Variants in CCNH observed in about 807,000 individuals in gnomAD.
The protein encoded by CCNH is cyclin H, also known as cyclin-H.
CCNH carries 31 observed loss-of-function variants against 41.9 expected under a neutral mutation model. That is an observed-to-expected ratio of 0.74 (90% confidence interval 0.56 to 1.00). The LOEUF is 1.00. Ranked by LOEUF, CCNH falls within the 50% of genes least tolerant of loss-of-function variation. The pLI is 0.00. For synonymous variants in CCNH, 138 were observed against 136.1 expected (o/e 1.01, Z -0.10); for missense variants, 362 against 388.4 (o/e 0.93, Z 0.57).
At chr5:87,409,754 T>C (rs186472858) in intron 2 of CCNH, among the ~76,000 whole-genome samples, 1 of 151,946 alleles carries the variant, frequency 6.6e-6, no homozygotes, top group East Asian at 1.9e-4. Flanking sequence ...CTTATAAAAA[T>C]ACTGACAAAA....
upstream of CCNH, among the ~76,000 whole-genome samples, chr5:87,378,736 A>C (rs1761497849): frequency 6.6e-6 from 1 of 152,194 alleles, no homozygotes; most frequent in African/African-American, 2.4e-5. Context: ...TTATTTTGGG[A>C]TTAAAAACCA....
intron 9 of CCNH, among the ~76,000 whole-genome samples, chr5:87,352,959 G>T (rs1466588300): frequency 6.6e-6 from 1 of 151,832 alleles, no homozygotes; most frequent in Non-Finnish European, 1.5e-5. Flanking sequence ...ATTCTGGCCT[G>T]TAAATCTATA....
chr5:87,336,784 A>G (rs1758005110), intron 9 of CCNH, among the ~76,000 whole-genome samples: 1 of 152,062 alleles, frequency 6.6e-6, no homozygotes, highest in African/African-American at 2.4e-5. Context: ...CTAGAAAGGA[A>G]TAGTTTAATT....
chr5:87,331,934 C>T (rs1757630045), intron 9 of CCNH, among the ~76,000 whole-genome samples: 1 of 151,962 alleles, frequency 6.6e-6, no homozygotes, highest in Non-Finnish European at 1.5e-5. Flanking sequence ...TATAAATTTT[C>T]AAGTACAAAT....
At chr5:87,400,185 C>T (rs967202393) in intron 6 of CCNH, among the ~76,000 whole-genome samples, 1 of 152,116 alleles carries the variant, frequency 6.6e-6, no homozygotes, top group Admixed American at 6.6e-5. Flanking sequence ...TACTATTAGC[C>T]AGCCATGTGA....
intron 9 of CCNH, chr5:87,353,105 G>T (rs1759396385): frequency 7.0e-7 from 1 of 1,422,832 alleles, no homozygotes; most frequent in Non-Finnish European, 9.9e-7. Flanking sequence ...TATTTTTAAA[G>T]ATTTTGCAGT....
chr5:87,321,522 G>T (rs1462748031), intron 9 of CCNH, among the ~76,000 whole-genome samples: 3 of 152,182 alleles, frequency 2.0e-5, no homozygotes, highest in African/African-American at 7.2e-5. Flanking sequence ...CTTTGGGTTG[G>T]ATTAATTTGC....
chr5:87,378,579 A>G (rs767371695), upstream of CCNH: 20 of 1,537,350 alleles, frequency 1.3e-5, no homozygotes, highest in African/African-American at 4.1e-5. Flanking sequence ...TGCAAAGAAC[A>G]TATTTTAATA....
At chr5:87,400,179 A>G (rs1447625124) in intron 6 of CCNH, among the ~76,000 whole-genome samples, 2 of 152,214 alleles carry the variant, frequency 1.3e-5, no homozygotes, top group Non-Finnish European at 1.5e-5. Flanking sequence ...TATTATTACT[A>G]TTAGCCAGCC....
chr5:87,373,028 G>A (rs925691131), downstream of CCNH, among the ~76,000 whole-genome samples: 1 of 152,064 alleles, frequency 6.6e-6, no homozygotes, highest in Non-Finnish European at 1.5e-5. Flanking sequence ...CATTTTGTAA[G>A]CTATCAAAAA....
Position 87,353,243 on chromosome 5 carries a change from T to C in CCNH, c.*91-34346A>G, listed in dbSNP as rs376637789. ...GAACCTGTACCAATGCAGGTCAGTGTTGCATTTCTTATTGCAATAATTAGC... is the reference window on the plus strand; with the variant it reads ...GAACCTGTACCAATGCAGGTCAGTGCTGCATTTCTTATTGCAATAATTAGC... On this transcript the variant is annotated intron_variant and NMD_transcript_variant, in intron 9 of 9. Coordinates refer to the CCNH transcript ENST00000645953. The C allele has an allele frequency of 9.6e-5, 153 of 1,589,160 alleles. 1 individual carries two copies. The highest frequency in any genetic ancestry group is 3.7e-5 in the Non-Finnish European group (43 of 1,158,190).
At chr5:87,389,665 C>A, downstream of CCNH, 1 of 1,170,118 alleles carries the variant, frequency 8.5e-7, no homozygotes, top group East Asian at 2.5e-5. Flanking sequence ...TACAAAAGAT[C>A]TCAGCAGACA....
chr5:87,385,061 T>A (rs902703617), intron 9 of CCNH, among the ~76,000 whole-genome samples: 1 of 152,114 alleles, frequency 6.6e-6, no homozygotes, highest in East Asian at 1.9e-4. Context: ...GTAGTACCCT[T>A]TTCGCAAGCC....
chr5:87,338,536 A>T (rs374381721), intron 9 of CCNH, among the ~76,000 whole-genome samples: 3,280 of 84,936 alleles, frequency 0.039, 243 homozygotes, highest in Middle Eastern at 0.06. Context: ...TATATATAAA[A>T]TTTTTTTTTT....
intron 9 of CCNH, among the ~76,000 whole-genome samples, chr5:87,335,189 T>TA (rs1229845927): frequency 6.6e-6 from 1 of 151,966 alleles, no homozygotes; most frequent in Non-Finnish European, 1.5e-5. Context: ...GCTTAGCTGT[T>TA]ACTTTTGTGC....
At chr5:87,362,516 T>G in intron 9 of CCNH, 1 of 1,560,256 alleles carries the variant, frequency 6.4e-7, no homozygotes, top group Non-Finnish European at 8.8e-7. Flanking sequence ...CCATCAAGAA[T>G]GTATGAAATA....
intron 9 of CCNH, among the ~76,000 whole-genome samples, chr5:87,364,134 A>G (rs555912241): frequency 6.6e-6 from 1 of 152,182 alleles, no homozygotes; most frequent in South Asian, 2.1e-4. Context: ...TGTACTTACC[A>G]TTTTTATTAC....
At chr5:87,368,634 C>T (rs1760704531) in intron 9 of CCNH, among the ~76,000 whole-genome samples, 1 of 152,194 alleles carries the variant, frequency 6.6e-6, no homozygotes, top group Admixed American at 6.6e-5. Flanking sequence ...CACAGCCCTT[C>T]AGGGGTCTCA....
Position 87,401,760 on chromosome 5 carries a change from C to A in CCNH, c.702G>T (p.Glu234Asp). ...TTCTGTTCTCTTTCAGCATCAGACT[C>A]TCTGATAAATAACTAGTAAAGAAAA... Reference protein sequence around the residue: ...AGITMESYLSESLMLKENRTC... With the variant: ...AGITMESYLSDSLMLKENRTC... Residue 234 changes from glutamate (E) to aspartate (D), a missense_variant, in exon 6 of 9, where the codon GAG becomes GAT. Transcript: ENST00000256897. The A allele has an allele frequency of 1.3e-6, 2 of 1,574,566 alleles. No homozygotes were observed. Among genetic ancestry groups the A allele is most frequent in the Non-Finnish European group, 1.7e-6 (2 of 1,162,116 alleles).
Sources: gnomAD v4.1 joint callset for allele counts (sites outside exome capture counted in the v4.1 genomes callset) on GRCh38, gnomAD v4.1.1 for gene constraint, MANE v1.5 for transcripts, NCBI Gene and HGNC (gene_info 2026-07-23, HGNC 2026-07-21) for gene names.